SMYD3: variants seen among roughly 807,000 people sequenced by gnomAD.
SMYD3 encodes the protein histone-lysine N-methyltransferase SMYD3.
A neutral mutation model predicts 57.7 loss-of-function variants in SMYD3; 36 were observed. That is an observed-to-expected ratio of 0.62 (90% CI 0.48 to 0.82). The LOEUF is 0.82. Ranked by LOEUF, SMYD3 falls within the 40% of genes least tolerant of loss-of-function variation. The pLI is 0.00. For missense variants in SMYD3, 515 were observed against 538.8 expected (o/e 0.96, Z 0.44); for synonymous variants, 211 against 195.0 (o/e 1.08, Z -0.68).
At chr1:246,434,966 A>G (rs1029074182) in intron 1 of SMYD3, among the ~76,000 whole-genome samples, 1 of 152,202 alleles carries the variant, frequency 6.6e-6, no homozygotes, top group African/African-American at 2.4e-5. Flanking sequence ...TCTGCTCCCC[A>G]TGGAATACTT....
At chr1:245,913,886 A>G (rs1345328642) in intron 8 of SMYD3, among the ~76,000 whole-genome samples, 1 of 152,188 alleles carries the variant, frequency 6.6e-6, no homozygotes, top group Non-Finnish European at 1.5e-5. Context: ...AACCATCAGG[A>G]AAATGCAAAT....
At chr1:246,363,020 C>A (rs1202123488) in intron 1 of SMYD3, among the ~76,000 whole-genome samples, 1 of 151,150 alleles carries the variant, frequency 6.6e-6, no homozygotes, top group Non-Finnish European at 1.5e-5. Context: ...AAGTGAGGAG[C>A]GTCTCTGCCC....
intron 5 of SMYD3, among the ~76,000 whole-genome samples, chr1:246,177,451 T>C (rs1381968993): frequency 6.6e-6 from 1 of 152,128 alleles, no homozygotes; most frequent in South Asian, 2.1e-4. Flanking sequence ...ATAAAAGCAA[T>C]TGATAATCCC....
intron 10 of SMYD3, among the ~76,000 whole-genome samples, chr1:245,844,670 T>C (rs1572495333): frequency 6.6e-6 from 1 of 152,154 alleles, no homozygotes; most frequent in East Asian, 1.9e-4. Flanking sequence ...CTTAGGGTTC[T>C]ATGCTCCCTT....
intron 5 of SMYD3, among the ~76,000 whole-genome samples, chr1:246,185,810 A>G (rs1419137546): frequency 6.6e-6 from 1 of 152,210 alleles, no homozygotes; most frequent in East Asian, 1.9e-4. Flanking sequence ...GTACAATGGT[A>G]ATTTATGTGC....
At chr1:246,205,862 T>C (rs73147214) in intron 5 of SMYD3, among the ~76,000 whole-genome samples, 6,756 of 152,150 alleles carry the variant, frequency 0.044, 537 homozygotes, top group African/African-American at 0.15. Flanking sequence ...ACTTCCCAGT[T>C]CTGCTACACT....
At chr1:246,031,509 A>G (rs138830745) in intron 5 of SMYD3, among the ~76,000 whole-genome samples, 2,007 of 152,228 alleles carry the variant, frequency 0.013, 37 homozygotes, top group African/African-American at 0.046. Context: ...AGGCCGAGGC[A>G]GGCAGATCAC....
chr1:246,021,666 T>A (rs1324105823), intron 5 of SMYD3, among the ~76,000 whole-genome samples: 1 of 152,216 alleles, frequency 6.6e-6, no homozygotes, highest in Non-Finnish European at 1.5e-5. Flanking sequence ...TACACCCTGA[T>A]TAATTATCAC....
intron 11 of SMYD3, among the ~76,000 whole-genome samples, chr1:245,756,003 G>C (rs1336491239): frequency 6.6e-6 from 1 of 150,524 alleles, no homozygotes; most frequent in Non-Finnish European, 1.5e-5. Flanking sequence ...CTGCCTTTCT[G>C]TGGGTTAAAC....
intron 5 of SMYD3, among the ~76,000 whole-genome samples, chr1:246,099,212 A>G (rs1022805927): frequency 6.0e-4 from 92 of 152,328 alleles, no homozygotes; most frequent in African/African-American, 2.1e-3. Flanking sequence ...TTTGAAACAA[A>G]CATTTACTTT....
chr1:245,954,214 G>A (rs2057757348), intron 5 of SMYD3, among the ~76,000 whole-genome samples: 1 of 152,118 alleles, frequency 6.6e-6, no homozygotes, highest in African/African-American at 2.4e-5. Context: ...AGTAAACATT[G>A]TTACTCTTTC....
chr1:246,331,946 T>C (rs2065468667), intron 3 of SMYD3, among the ~76,000 whole-genome samples: 1 of 145,516 alleles, frequency 6.9e-6, no homozygotes, highest in African/African-American at 2.6e-5. Flanking sequence ...ATAAATGTTG[T>C]GCGTGTTCTC....
chr1:246,335,539 T>A lies in SMYD3; in HGVS notation c.229-65A>T, dbSNP rs1442266066. 2.4e-6 allele frequency: 3 copies of A among 1,274,696 alleles called. No individual in the cohort carries two copies. In the African/African-American group the frequency reaches 4.4e-5, roughly 19 times the overall value. The allele number at this position is 1,274,696 out of a possible 1,614,324, so 79.0% of individuals were successfully genotyped here. A position where few individuals can be genotyped will look rare whatever the true frequency, so the allele number is the denominator to read the frequency against. On this transcript the variant is annotated intron_variant, in intron 2 of 11. Transcript: ENST00000490107. Reference sequence around the variant, plus strand: ...ATTTAACTTTCATTTATACTGGTTTTGAACATCAAGAGTCATAAACATTAA... The same window carrying A: ...ATTTAACTTTCATTTATACTGGTTTAGAACATCAAGAGTCATAAACATTAA...
At chr1:246,480,949 C>T (rs2068091556) in intron 1 of SMYD3, among the ~76,000 whole-genome samples, 1 of 152,052 alleles carries the variant, frequency 6.6e-6, no homozygotes, top group South Asian at 2.1e-4. Flanking sequence ...CAGGCGTGTG[C>T]CACCACACCC....
chr1:246,132,436 CTG>C (rs1452422993), intron 5 of SMYD3, among the ~76,000 whole-genome samples: 2 of 152,100 alleles, frequency 1.3e-5, no homozygotes, highest in African/African-American at 4.8e-5. Flanking sequence ...CTTGTTAAAA[CTG>C]TTTATCTACA....
At chr1:246,347,791 G>A (rs2065747885) in intron 2 of SMYD3, among the ~76,000 whole-genome samples, 1 of 152,018 alleles carries the variant, frequency 6.6e-6, no homozygotes, top group Admixed American at 6.6e-5. Context: ...CCAGAAATGT[G>A]AGTCAACAAA....
intron 5 of SMYD3, among the ~76,000 whole-genome samples, chr1:246,248,636 C>CTTTTTTTT (rs1178698803): frequency 2.1e-4 from 11 of 52,106 alleles, no homozygotes; most frequent in East Asian, 1.8e-3. Flanking sequence ...TCTGACTTTC[C>CTTTTTTTT]TTTTTTTTTT....
At chr1:246,092,414 A>T (rs2060838943) in intron 5 of SMYD3, among the ~76,000 whole-genome samples, 1 of 152,230 alleles carries the variant, frequency 6.6e-6, no homozygotes, top group Non-Finnish European at 1.5e-5. Context: ...AAAAACTGGC[A>T]AATAGGCCAG....
At chr1:246,307,666 G>A (rs1349363146) in intron 5 of SMYD3, among the ~76,000 whole-genome samples, 1 of 152,036 alleles carries the variant, frequency 6.6e-6, no homozygotes, top group Non-Finnish European at 1.5e-5. Flanking sequence ...TGATCCGCCC[G>A]CCTCGGCCTC....
Sources: allele counts gnomAD v4.1 joint callset (sites outside exome capture counted in the v4.1 genomes callset), GRCh38; gene constraint gnomAD v4.1.1; transcripts MANE v1.5; gene names NCBI Gene and HGNC (gene_info 2026-07-23, HGNC 2026-07-21).